The following UNC80 variants were observed in gnomAD, a reference collection of about 807,000 sequenced individuals.
UNC80 encodes the protein unc-80 subunit of NALCN channel complex, also known as protein unc-80 homolog.
UNC80 carries 164 observed loss-of-function variants against 384.6 expected under a neutral mutation model. That is an observed-to-expected ratio of 0.43 (90% confidence interval 0.38 to 0.49). The LOEUF (loss-of-function observed/expected upper bound fraction) is 0.49, where lower values mean the gene tolerates loss of function less well. Ranked by LOEUF, UNC80 falls within the 20% of genes least tolerant of loss-of-function variation. UNC80 has a pLI of 0.00. For missense variants in UNC80, 3,330 were observed against 4,143.0 expected (o/e 0.80, Z 5.39); for synonymous variants, 1,486 against 1,527.8 (o/e 0.97, Z 0.64).
In UNC80 at chr2:209,771,972, A is replaced by C; in HGVS notation, c.-101A>C. 1.2e-6 allele frequency: 1 copy of C among 811,220 alleles called. No homozygotes were observed. Among genetic ancestry groups the C allele is most frequent in the Non-Finnish European group, 2.1e-6 (1 of 484,956 alleles). The allele number at this position is 811,220 out of a possible 1,614,324, so 50.3% of individuals were successfully genotyped here. On this transcript the variant is annotated 5_prime_UTR_variant, in exon 1 of 65. Coordinates refer to ENST00000673920, the MANE Select transcript of UNC80 (RefSeq NM_001371986.1). ...GGAGAGAGCCGGCTCTGCCTCGGGG[A>C]AGGAGGGGATGAGAGTTGGGAGCAG... is the stretch of plus-strand genomic sequence containing the variant.
chr2:209,889,468 TTCTGTCCC>T (rs1462013352), intron 26 of UNC80, among the ~76,000 whole-genome samples: 1 of 152,220 alleles, frequency 6.6e-6, no homozygotes, highest in African/African-American at 2.4e-5. Flanking sequence ...TCATTCATGT[TTCTGTCCC>T]TCTGTCCCTA....
intron 13 of UNC80, 133 bp from the exon 14 acceptor site, chr2:209,825,774 T>A (rs991231347): frequency 1.3e-5 from 10 of 784,444 alleles, no homozygotes; most frequent in Non-Finnish European, 1.8e-5. Flanking sequence ...CCCGTTACAA[T>A]TCTGTTTTCC....
At chr2:209,992,138 G>A (rs1351643251) in intron 61 of UNC80, 28 bp from the exon 62 acceptor site, 1 of 1,546,902 alleles carries the variant, frequency 6.5e-7, no homozygotes, top group East Asian at 2.4e-5. Context: ...TCTCTCCGGG[G>A]TACACTAACA....
intron 22 of UNC80, among the ~76,000 whole-genome samples, chr2:209,856,581 A>T (rs2082936677): frequency 6.6e-6 from 1 of 152,018 alleles, no homozygotes; most frequent in Admixed American, 6.6e-5. Flanking sequence ...GTTTTATGTG[A>T]ATAGTATAGG....
Position 209,946,017 on chromosome 2 carries a change from A to G in UNC80, c.7286+74A>G, listed in dbSNP as rs1247778393. 6.5e-6 allele frequency: 7 copies of G among 1,071,390 alleles called. No homozygotes were observed. The Admixed American group carries it at 1.1e-4, about 17-fold the overall frequency. The allele number at this position is 1,071,390 out of a possible 1,614,324, so 66.4% of individuals were successfully genotyped here. A position where few individuals can be genotyped will look rare whatever the true frequency, so the allele number is the denominator to read the frequency against. ...AGAAAATAAAATTGAATGAATACAA[A>G]GGTTATGCTGATTAATATCAGACTA... On this transcript the variant is annotated intron_variant, in intron 47 of 64. Transcript: ENST00000673920.
intron 48 of UNC80, among the ~76,000 whole-genome samples, chr2:209,955,758 C>CACAG (rs1429509985): frequency 8.4e-6 from 1 of 119,084 alleles, no homozygotes; most frequent in Non-Finnish European, 1.8e-5. Context: ...CACACACACA[C>CACAG]AGAGAGAGAC....
At chr2:209,978,764 G>T in intron 59 of UNC80, 56 bp downstream of exon 59, 2 of 1,405,382 alleles carry the variant, frequency 1.4e-6, no homozygotes, top group Non-Finnish European at 9.5e-7. Context: ...ACGAGCAGGG[G>T]CTTGGGAAGG....
rs2076840709 is a variant in UNC80 at position 209,776,035 on chromosome 2, A to C, written c.288A>C (p.Arg96=). Residue 96 remains arginine, a synonymous_variant, in exon 3 of 65, where the codon CGA becomes CGC. Transcript: ENST00000673920. ...LHCTATLLSN[R]NKLGHQDKLG... The stretch of plus-strand genomic sequence containing the variant: ...GCACTGCAACCCTGCTTTCAAACCG[A>C]AACAAGCTAGGTTGGTGCCCCGCAT... 6.2e-7 allele frequency: 1 copy of C among 1,613,986 alleles called. No individual in the cohort carries two copies. Among genetic ancestry groups the C allele is most frequent in the African/African-American group, 1.3e-5 (1 of 75,008 alleles).
At chr2:209,853,829 C>T (rs1327643412) in intron 22 of UNC80, among the ~76,000 whole-genome samples, 1 of 152,042 alleles carries the variant, frequency 6.6e-6, no homozygotes, top group Non-Finnish European at 1.5e-5. Context: ...GCTTTAGGAA[C>T]AATTCCATAA....
At chr2:209,937,436 T>A in intron 41 of UNC80, 93 bp from the exon 42 acceptor site, 1 of 923,338 alleles carries the variant, frequency 1.1e-6, no homozygotes, top group Non-Finnish European at 1.7e-6. Flanking sequence ...TGGCATAGCA[T>A]CCTAGTGCTT....
chr2:209,881,315 C>A (rs1242322310), intron 25 of UNC80, among the ~76,000 whole-genome samples: 1 of 152,030 alleles, frequency 6.6e-6, no homozygotes, highest in Non-Finnish European at 1.5e-5. Flanking sequence ...GAAGGTTTTC[C>A]TACTGGATAC....
At chr2:209,961,780 A>G (rs2092599402) in intron 51 of UNC80, among the ~76,000 whole-genome samples, 1 of 152,186 alleles carries the variant, frequency 6.6e-6, no homozygotes, top group African/African-American at 2.4e-5. Context: ...CCAAGGGAAA[A>G]TTTCCCCTTC....
intron 51 of UNC80, among the ~76,000 whole-genome samples, chr2:209,966,266 A>G (rs2092739075): frequency 1.3e-5 from 2 of 152,214 alleles, no homozygotes; most frequent in African/African-American, 2.4e-5. Flanking sequence ...GAATATGAAC[A>G]TTTCAGCCAC....
Position 209,929,376 on chromosome 2 carries a change from A to G in UNC80, c.5807-495A>G, listed in dbSNP as rs111383146. ...CTTCTTCGTTAGAAGTGAGAACCTA[A>G]TTGTTACTGGCTCAACTACTTTATC... On this transcript the variant is annotated intron_variant, in intron 36 of 64. Transcript: ENST00000673920. Among the ~76,000 whole-genome samples, 439 of 152,262 alleles carry G rather than the reference A, an allele frequency of 2.9e-3. 1 individual carries two copies. Among genetic ancestry groups the G allele is most frequent in the African/African-American group, 0.01 (421 of 41,560 alleles).
intron 19 of UNC80, among the ~76,000 whole-genome samples, chr2:209,840,165 G>A (rs968535579): frequency 3.9e-5 from 6 of 152,246 alleles, no homozygotes; most frequent in East Asian, 1.9e-4. Flanking sequence ...AGACCAGAAG[G>A]AAAGTTAGCT....
chr2:209,934,060 C>T lies in UNC80; in HGVS notation c.6178+55C>T, dbSNP rs374096967. The T allele has an allele frequency of 3.5e-6, 5 of 1,431,864 alleles. No individual in the cohort carries two copies. In the East Asian group the frequency reaches 1.0e-4, roughly 29 times the overall value. The allele number at this position is 1,431,864 out of a possible 1,614,324, so 88.7% of individuals were successfully genotyped here. A position where few individuals can be genotyped will look rare whatever the true frequency, so the allele number is the denominator to read the frequency against. On this transcript the variant is annotated intron_variant, in intron 39 of 64. Coordinates refer to ENST00000673920, the MANE Select transcript of UNC80 (RefSeq NM_001371986.1). Reference sequence around the variant, plus strand: ...ACTTTAAAAAAAAATTATAAATAGCCCTTTGAAAGACTAAGAGTCTCTTTC... The same window carrying T: ...ACTTTAAAAAAAAATTATAAATAGCTCTTTGAAAGACTAAGAGTCTCTTTC...
In UNC80 at chr2:209,817,002, C is replaced by T; in HGVS notation, c.1429C>T (p.Leu477=). 1 of 1,551,730 alleles carries T rather than the reference C, an allele frequency of 6.4e-7. No individual in the cohort carries two copies. The highest frequency in any genetic ancestry group is 8.7e-7 in the Non-Finnish European group (1 of 1,147,010). The part of the protein sequence containing the change: ...RRPRRMGVPF[L]LHEDHLDVSP... ...GCCACGGAGAATGGGAGTGCCCTTC[C>T]TGCTTCACGAGGACCACCTGGATGT... is the stretch of plus-strand genomic sequence containing the variant. The change falls in exon 10 of 65, where the codon CTG becomes TTG. Residue 477 remains leucine, a synonymous_variant. Transcript: ENST00000673920.
intron 47 of UNC80, among the ~76,000 whole-genome samples, chr2:209,953,768 C>T (rs190622629): frequency 2.4e-4 from 37 of 152,302 alleles, no homozygotes; most frequent in Admixed American, 2.4e-3. Flanking sequence ...AATTTTTGTT[C>T]TGAAGCCTGT....
intron 22 of UNC80, among the ~76,000 whole-genome samples, chr2:209,865,474 C>T (rs1212074008): frequency 2.0e-5 from 3 of 151,730 alleles, no homozygotes; most frequent in Non-Finnish European, 1.5e-5. Flanking sequence ...TTGTGGCGGA[C>T]GCCTGTAGTC....
Sources: gnomAD v4.1 joint callset for allele counts (sites outside exome capture counted in the v4.1 genomes callset) on GRCh38, gnomAD v4.1.1 for gene constraint, MANE v1.5 for transcripts, NCBI Gene and HGNC (gene_info 2026-07-23, HGNC 2026-07-21) for gene names.